The following ZNF385D variants were observed in gnomAD, a reference collection of about 807,000 sequenced individuals.
The protein encoded by ZNF385D is zinc finger protein 659.
ZNF385D carries 15 observed loss-of-function variants against 35.8 expected under a neutral mutation model. The ratio of observed to expected loss-of-function variants is 0.42; its 90% CI spans 0.28 to 0.64. The LOEUF (loss-of-function observed/expected upper bound fraction) is 0.64. Ranked by LOEUF, ZNF385D falls within the 30% of genes least tolerant of loss-of-function variation. The pLI is 0.23. For missense variants in ZNF385D, 474 were observed against 494.6 expected, an observed-to-expected ratio of 0.96 and a Z score of 0.39; for synonymous variants, 212 against 186.8, an observed-to-expected ratio of 1.13 and a Z score of -1.10.
At chr3:21,996,382 T>A (rs763419767) in intron 3 of ZNF385D, among the ~76,000 whole-genome samples, 3 of 152,152 alleles carry the variant, frequency 2.0e-5, no homozygotes, top group Admixed American at 1.3e-4. Context: ...ATTTCCTTCA[T>A]TTTCCATGCC....
chr3:22,022,394 C>G (rs1403808195), intron 3 of ZNF385D, among the ~76,000 whole-genome samples: 2 of 152,040 alleles, frequency 1.3e-5, no homozygotes, highest in South Asian at 2.1e-4. Flanking sequence ...AAGATCAGCT[C>G]TAATCTTTCA....
At chr3:22,249,756 G>T (rs1185333161) in intron 2 of ZNF385D, among the ~76,000 whole-genome samples, 2 of 152,166 alleles carry the variant, frequency 1.3e-5, no homozygotes, top group Non-Finnish European at 2.9e-5. Context: ...ATTATGCTGA[G>T]CCTCAACTTC....
chr3:21,425,405 A>T (rs921747322), intron 6 of ZNF385D, 87 bp downstream of exon 6: 16 of 1,372,322 alleles, frequency 1.2e-5, no homozygotes, highest in Non-Finnish European at 1.4e-5. Context: ...GGACAGAAAG[A>T]CAGAAATAAA....
At position 22,034,261 on chromosome 3, in the gene ZNF385D, G is replaced by C. The variant is rs1427901655; in HGVS notation, c.325+134556C>G. ...TAGTGATCTTACAGGAGTCAAAAGA[G>C]AGCTGTCCTCCTCTCTCTGCTCCCA... is the stretch of plus-strand genomic sequence containing the variant. On this transcript the variant is annotated intron_variant, in intron 3 of 5. Coordinates refer to the ZNF385D transcript ENST00000494108. Among the ~76,000 whole-genome samples, 5 of 152,154 alleles carry C rather than the reference G, an allele frequency of 3.3e-5. No individual in the cohort carries two copies. In the East Asian group the frequency reaches 5.8e-4, roughly 18 times the overall value.
At chr3:21,897,974 C>A (rs1699218162) in intron 3 of ZNF385D, among the ~76,000 whole-genome samples, 1 of 152,040 alleles carries the variant, frequency 6.6e-6, no homozygotes, top group African/African-American at 2.4e-5. Flanking sequence ...TTATATCAAC[C>A]AAAACTTATT....
intron 3 of ZNF385D, among the ~76,000 whole-genome samples, chr3:21,946,787 G>A (rs1694015): frequency 0.26 from 39,380 of 152,116 alleles, 5,791 homozygotes; most frequent in Admixed American, 0.41. Flanking sequence ...AGCCGAAATT[G>A]CGCTACTGCA....
Position 21,580,326 on chromosome 3 carries a change from G to C in ZNF385D, c.166-15642C>G, listed in dbSNP as rs188544482. Among the ~76,000 whole-genome samples the C allele has an allele frequency of 3.3e-5, 5 of 152,238 alleles. No homozygotes were observed. The East Asian group carries it at 9.6e-4, about 29-fold the overall frequency. ...GTTCAGAGATGAGGAGAATAGACTTGAAATAAGTAGTGTACCAATTAATGG... is the reference window on the plus strand; with the variant it reads ...GTTCAGAGATGAGGAGAATAGACTTCAAATAAGTAGTGTACCAATTAATGG... On this transcript the variant is annotated intron_variant, in intron 2 of 7. Coordinates refer to ENST00000281523, the MANE Select transcript of ZNF385D (RefSeq NM_024697.3).
intron 4 of ZNF385D, among the ~76,000 whole-genome samples, chr3:21,498,718 T>C (rs1217587292): frequency 6.6e-6 from 1 of 151,792 alleles, no homozygotes; most frequent in Non-Finnish European, 1.5e-5. Context: ...CCAAGGCAGG[T>C]GGATCACAAG....
intron 2 of ZNF385D, among the ~76,000 whole-genome samples, chr3:21,574,060 CA>C (rs57041075): frequency 0.19 from 24,694 of 128,812 alleles, 2,082 homozygotes; most frequent in East Asian, 0.28. Flanking sequence ...AACTCCGTCT[CA>C]AAAAAAAAAA....
At chr3:21,655,726 G>C (rs1035988397) in intron 2 of ZNF385D, among the ~76,000 whole-genome samples, 1 of 151,946 alleles carries the variant, frequency 6.6e-6, no homozygotes, top group African/African-American at 2.4e-5. Context: ...GCAGACAAGA[G>C]GTCATCTAGC....
At chr3:22,009,103 C>A (rs995734775) in intron 3 of ZNF385D, among the ~76,000 whole-genome samples, 1 of 152,242 alleles carries the variant, frequency 6.6e-6, no homozygotes, top group East Asian at 1.9e-4. Flanking sequence ...CTTTAGAGAG[C>A]ACATTGTAAT....
chr3:21,777,481 G>A (rs960281023), intron 3 of ZNF385D: 1 of 151,900 alleles, frequency 6.6e-6, no homozygotes, highest in Non-Finnish European at 1.5e-5. Context: ...TCTGAATGCA[G>A]CCTATTCTCT....
At chr3:21,819,662 T>A (rs1450670220) in intron 3 of ZNF385D, among the ~76,000 whole-genome samples, 3 of 146,862 alleles carry the variant, frequency 2.0e-5, no homozygotes, top group Non-Finnish European at 4.5e-5. Flanking sequence ...TATTTATGTG[T>A]ATTAATTATA....
chr3:22,248,798 C>G (rs1354031085), intron 2 of ZNF385D, among the ~76,000 whole-genome samples: 1 of 152,114 alleles, frequency 6.6e-6, no homozygotes, highest in Non-Finnish European at 1.5e-5. Flanking sequence ...CCATTTAATG[C>G]TGGAAAATGA....
intron 3 of ZNF385D, among the ~76,000 whole-genome samples, chr3:22,113,868 T>A (rs1702669903): frequency 6.6e-6 from 1 of 152,096 alleles, no homozygotes; most frequent in Non-Finnish European, 1.5e-5. Flanking sequence ...TTACCCAGAA[T>A]TACAGCTCAT....
At position 21,838,871 on chromosome 3, in the gene ZNF385D, A is replaced by T. The variant is rs151043186; in HGVS notation, c.326-173843T>A. On this transcript the variant is annotated intron_variant, in intron 3 of 5. Transcript: ENST00000494108. ...TGAGAAAAGATGCTTCTTAGAGGTGATATAACTTGCTCATAATAATAACAC... is the reference window on the plus strand; with the variant it reads ...TGAGAAAAGATGCTTCTTAGAGGTGTTATAACTTGCTCATAATAATAACAC... Among the ~76,000 whole-genome samples, 269 of 152,204 alleles carry T rather than the reference A, an allele frequency of 1.8e-3. 2 individuals carry two copies. The highest frequency in any genetic ancestry group is 6.3e-3 in the African/African-American group (261 of 41,550).
intron 3 of ZNF385D, among the ~76,000 whole-genome samples, chr3:22,043,636 G>A (rs547857682): frequency 6.6e-6 from 1 of 152,094 alleles, no homozygotes; most frequent in Non-Finnish European, 1.5e-5. Context: ...GCAGAGGAGA[G>A]AGGGTAGGTA....
rs551779587 is a variant in ZNF385D, at chr3:21,618,055, C to T, written c.165+46831G>A. 6.6e-5 allele frequency among the ~76,000 whole-genome samples: 10 copies of T among 152,056 alleles called. 1 individual carries two copies. The South Asian group carries it at 2.1e-3, about 32-fold the overall frequency. ...CAGTGGGTTGAATGGTGTCCCCCAC[C>T]TCCCTGCAAAAAAAAGATTTGTCCA... On this transcript the variant is annotated intron_variant, in intron 2 of 7. Transcript: ENST00000281523.
intron 4 of ZNF385D, among the ~76,000 whole-genome samples, chr3:21,458,840 T>C (rs1559310131): frequency 6.6e-6 from 1 of 151,500 alleles, no homozygotes; most frequent in African/African-American, 2.4e-5. Flanking sequence ...ATGATGAGTA[T>C]GTGGTTTCTT....
Sources: gnomAD v4.1 joint callset for allele counts (sites outside exome capture counted in the v4.1 genomes callset) on GRCh38, gnomAD v4.1.1 for gene constraint, MANE v1.5 for transcripts, NCBI Gene and HGNC (gene_info 2026-07-23, HGNC 2026-07-21) for gene names.